The following ARHGEF37 variants were observed in gnomAD, a reference collection of about 807,000 sequenced individuals.
ARHGEF37 encodes Rho guanine nucleotide exchange factor 37.
In ARHGEF37, 55 loss-of-function variants were observed where a neutral mutation model predicts 71.1. The ratio of observed to expected loss-of-function variants is 0.77; its 90% CI spans 0.62 to 0.97. ARHGEF37 has a LOEUF of 0.97. Among genes scored for constraint, ARHGEF37 ranks in the 50% least tolerant of loss-of-function variants. The probability of loss-of-function intolerance (pLI) is 0.00; values close to 1 mark genes in which losing one functional copy is unlikely to be tolerated. For missense variants in ARHGEF37, 765 were observed against 836.8 expected (o/e 0.91, Z 1.06); for synonymous variants, 327 against 350.6 (o/e 0.93, Z 0.75).
At chr5:149,577,136 A>C (rs1763036632), upstream of ARHGEF37, among the ~76,000 whole-genome samples, 1 of 152,160 alleles carries the variant, frequency 6.6e-6, no homozygotes, top group Non-Finnish European at 1.5e-5. Context: ...TGAGCTATAT[A>C]ATCTTGGACA....
chr5:149,560,746 CCCTGTTTGT>C (rs1255676141), intron 1 of ARHGEF37, among the ~76,000 whole-genome samples: 3 of 151,668 alleles, frequency 2.0e-5, no homozygotes, highest in Non-Finnish European at 4.4e-5. Context: ...TGTGGTAAAA[CCCTGTTTGT>C]ACTTTCAAAG....
rs142296894 is a variant in ARHGEF37 at position 149,605,226 on chromosome 5, C to CA, written c.310+4010dup. 7.1e-3 allele frequency among the ~76,000 whole-genome samples: 815 copies of CA among 114,720 alleles called. 7 individuals carry two copies. The highest frequency in any genetic ancestry group is 0.024 in the African/African-American group (721 of 29,718). The allele number at this position is 114,720 out of a possible 152,430, so 75.3% of individuals were successfully genotyped here. Reference sequence around the variant, plus strand: ...TGGGCAACAGAGCAAGACTGCATCTCAAAAAAAAAAAAAAAGAAAAGAAAA... The same window carrying CA: ...TGGGCAACAGAGCAAGACTGCATCTCAAAAAAAAAAAAAAAAGAAAAGAAAA... On this transcript the variant is annotated intron_variant, in intron 3 of 12. Coordinates refer to ENST00000333677, the MANE Select transcript of ARHGEF37 (RefSeq NM_001001669.3).
chr5:149,609,730 C>A, intron 4 of ARHGEF37, 35 bp downstream of exon 4: 1 of 1,610,398 alleles, frequency 6.2e-7, no homozygotes, highest in East Asian at 2.2e-5. Context: ...TCGCTCCTAC[C>A]CCACTGACCC....
At chr5:149,598,067 AGAT>A in intron 2 of ARHGEF37, 112 bp downstream of exon 2, 1 of 1,310,474 alleles carries the variant, frequency 7.6e-7, no homozygotes, top group Non-Finnish European at 1.0e-6. Flanking sequence ...GAAGCGTGGT[AGAT>A]GTGAAGTCTG....
chr5:149,588,951 C>T (rs1763319176), intron 1 of ARHGEF37, among the ~76,000 whole-genome samples: 1 of 152,080 alleles, frequency 6.6e-6, no homozygotes, highest in South Asian at 2.1e-4. Context: ...AAAACTAGGC[C>T]AGGCTCAGTG....
intron 12 of ARHGEF37, among the ~76,000 whole-genome samples, chr5:149,630,846 G>C (rs1752859758): frequency 6.6e-6 from 1 of 152,198 alleles, no homozygotes; most frequent in Non-Finnish European, 1.5e-5. Context: ...GGTGCTTAAT[G>C]TTCCTGAGGC....
chr5:149,599,932 A>G lies in ARHGEF37; in HGVS notation c.187-1176A>G, dbSNP rs113637798. On this transcript the variant is annotated intron_variant, in intron 2 of 12. Coordinates refer to ENST00000333677, the MANE Select transcript of ARHGEF37 (RefSeq NM_001001669.3). The stretch of plus-strand genomic sequence containing the variant: ...GATTTTTCTCTATAGGCATTAAACA[A>G]GCAAATACAGTCTTATGTCACTTAA... Among the ~76,000 whole-genome samples the G allele has an allele frequency of 6.1e-3, 925 of 152,342 alleles. 12 individuals carry two copies. The highest frequency in any genetic ancestry group is 0.015 in the African/African-American group (625 of 41,570).
intron 3 of ARHGEF37, among the ~76,000 whole-genome samples, chr5:149,608,787 C>G (rs1015230761): frequency 2.6e-5 from 4 of 152,142 alleles, no homozygotes; most frequent in African/African-American, 9.7e-5. Flanking sequence ...CCCTAGTTCC[C>G]TGGAATCCAA....
chr5:149,556,497 C>T (rs1187174999), intron 1 of ARHGEF37, among the ~76,000 whole-genome samples: 1 of 152,136 alleles, frequency 6.6e-6, no homozygotes, highest in Non-Finnish European at 1.5e-5. Context: ...GAGCGATTCT[C>T]CTGTCTCAGC....
chr5:149,572,952 A>G (rs1762985358), intron 1 of ARHGEF37, among the ~76,000 whole-genome samples: 1 of 152,180 alleles, frequency 6.6e-6, no homozygotes, highest in Admixed American at 6.5e-5. Flanking sequence ...TTAGCTCACA[A>G]TTCTGCAGGC....
intron 2 of ARHGEF37, among the ~76,000 whole-genome samples, chr5:149,598,771 G>GAT (rs1427449966): frequency 1.0e-4 from 8 of 78,590 alleles, no homozygotes; most frequent in African/African-American, 3.0e-4. Flanking sequence ...TATAGATATA[G>GAT]ATATAGATAT....
chr5:149,616,415 A>G (rs1752379372), intron 4 of ARHGEF37, 152 bp from the exon 5 acceptor site: 4 of 681,962 alleles, frequency 5.9e-6, no homozygotes, highest in Admixed American at 5.9e-5. Flanking sequence ...AGAACTCACA[A>G]GTTACAGATG....
rs914399127 is a variant in ARHGEF37, at chr5:149,557,177, C to T, written c.-12+5054C>T. Among the ~76,000 whole-genome samples the T allele has an allele frequency of 7.2e-5, 11 of 152,220 alleles. No homozygotes were observed. The East Asian group carries it at 7.7e-4, about 11-fold the overall frequency. ...AGAAAGAAACATTTAATAGGGACTT[C>T]GAACAGAAGCCATTGAGTTCAAGGA... On this transcript the variant is annotated intron_variant, in intron 1 of 2. Transcript: ENST00000505810.
At chr5:149,627,314 C>T (rs765728494) in intron 11 of ARHGEF37, 43 bp downstream of exon 11, 5 of 1,589,430 alleles carry the variant, frequency 3.1e-6, no homozygotes, top group Non-Finnish European at 4.3e-6. Flanking sequence ...TCGGGGAAAA[C>T]CACCCCACAG....
chr5:149,623,359 T>C (rs1014669968), intron 9 of ARHGEF37, among the ~76,000 whole-genome samples: 1 of 152,194 alleles, frequency 6.6e-6, no homozygotes, highest in Non-Finnish European at 1.5e-5. Flanking sequence ...TTTTCTCTTT[T>C]TGGCCCTCAC....
In ARHGEF37 at chr5:149,633,043, C is replaced by T. The variant is rs980039503; in HGVS notation, c.*852C>T. The T allele has an allele frequency of 6.5e-6, 1 of 152,740 alleles. No individual in the cohort carries two copies. Among genetic ancestry groups the T allele is most frequent in the Non-Finnish European group, 1.5e-5 (1 of 68,112 alleles). 9.5% of individuals were successfully genotyped at this position (152,740 alleles called of 1,614,324 possible). ...GGGAGGTTAGGGAATGGCTTGCTTTCCTGTTTCTGGTTAGAAGGGGAGCCA... is the reference window on the plus strand; with the variant it reads ...GGGAGGTTAGGGAATGGCTTGCTTTTCTGTTTCTGGTTAGAAGGGGAGCCA... On this transcript the variant is annotated 3_prime_UTR_variant, in exon 13 of 13. Transcript: ENST00000333677.
intron 3 of ARHGEF37, among the ~76,000 whole-genome samples, chr5:149,603,103 T>A (rs1180727714): frequency 6.6e-6 from 1 of 151,968 alleles, no homozygotes; most frequent in Non-Finnish European, 1.5e-5. Flanking sequence ...CGGTTAATTT[T>A]TGTATTTTTA....
At chr5:149,614,469 A>G (rs1752316318) in intron 4 of ARHGEF37, among the ~76,000 whole-genome samples, 1 of 152,184 alleles carries the variant, frequency 6.6e-6, no homozygotes, top group Non-Finnish European at 1.5e-5. Context: ...AAGTCTGTAA[A>G]TGTGAGCGGA....
At chr5:149,583,390 C>A (rs1471947706) in intron 1 of ARHGEF37, among the ~76,000 whole-genome samples, 3 of 152,246 alleles carry the variant, frequency 2.0e-5, no homozygotes, top group African/African-American at 7.2e-5. Flanking sequence ...CCTACCTCGG[C>A]CTCCCAAAGT....
Sources: allele counts gnomAD v4.1 joint callset (sites outside exome capture counted in the v4.1 genomes callset), GRCh38; gene constraint gnomAD v4.1.1; transcripts MANE v1.5; gene names NCBI Gene and HGNC (gene_info 2026-07-23, HGNC 2026-07-21).